Variants in ITGA8 observed in about 807,000 individuals in gnomAD.
The protein encoded by ITGA8 is integrin alpha-8.
In ITGA8, 91 loss-of-function variants were observed where a neutral mutation model predicts 142.3. The ratio of observed to expected loss-of-function variants is 0.64; its 90% CI spans 0.54 to 0.76. The LOEUF is 0.76. ITGA8 is among the 30% of genes least tolerant of loss of function. The probability of loss-of-function intolerance (pLI) is 0.00; values close to 1 mark genes in which losing one functional copy is unlikely to be tolerated. For synonymous variants in ITGA8, 505 were observed against 485.2 expected (o/e 1.04, Z -0.54); for missense variants, 1,406 against 1,327.7 (o/e 1.06, Z -0.92).
intron 2 of ITGA8, among the ~76,000 whole-genome samples, chr10:15,716,670 A>ATTTTTTTTTT (rs796458374): frequency 2.2e-5 from 3 of 135,082 alleles, no homozygotes; most frequent in African/African-American, 5.6e-5. Flanking sequence ...AACCTATTGT[A>ATTTTTTTTTT]TTTTTTTTTT....
intron 10 of ITGA8, 105 bp from the exon 11 acceptor site, chr10:15,655,511 C>T (rs1588701823): frequency 1.2e-6 from 1 of 801,098 alleles, no homozygotes; most frequent in Non-Finnish European, 2.1e-6. Context: ...TACATTTTTG[C>T]ATTGAAATTC....
chr10:15,658,935 T>C (rs551705742), intron 10 of ITGA8, 64 bp downstream of exon 10: 4 of 1,052,112 alleles, frequency 3.8e-6, no homozygotes, highest in Non-Finnish European at 4.3e-6. Context: ...ATAACTGATA[T>C]GAATATTATA....
At position 15,681,096 on chromosome 10, in the gene ITGA8, A is replaced by G. The variant is rs78713041; in HGVS notation, c.569-2313T>C. Among the ~76,000 whole-genome samples the G allele has an allele frequency of 2.0e-5, 3 of 152,226 alleles. No homozygotes were observed. The South Asian group carries it at 6.2e-4, about 32-fold the overall frequency. ...CACCTGAATTATGAATGACCATGAG[A>G]GCCATAGGCAGGTCATCAATATGAA... On this transcript the variant is annotated intron_variant, in intron 4 of 29. Transcript: ENST00000378076.
intron 15 of ITGA8, among the ~76,000 whole-genome samples, chr10:15,608,802 T>TA (rs980047205): frequency 6.6e-6 from 1 of 152,060 alleles, no homozygotes; most frequent in Non-Finnish European, 1.5e-5. Flanking sequence ...AAAGTCATGC[T>TA]AAAAAATGCA....
chr10:15,666,011 G>T (rs1406443347), intron 8 of ITGA8, among the ~76,000 whole-genome samples: 2 of 152,170 alleles, frequency 1.3e-5, no homozygotes, highest in Admixed American at 1.3e-4. Flanking sequence ...CTCTTTTTTG[G>T]TTCCATACGA....
At chr10:15,570,565 G>A (rs911296031) in intron 25 of ITGA8, among the ~76,000 whole-genome samples, 2 of 147,032 alleles carry the variant, frequency 1.4e-5, no homozygotes, top group Admixed American at 1.4e-4. Context: ...AGCCGAGATG[G>A]CGCCATTGCA....
intron 6 of ITGA8, among the ~76,000 whole-genome samples, chr10:15,673,743 G>A (rs997118039): frequency 6.6e-6 from 1 of 152,180 alleles, no homozygotes; most frequent in Non-Finnish European, 1.5e-5. Context: ...ATGGGAAGCA[G>A]CTAGGTCCAA....
intron 10 of ITGA8, among the ~76,000 whole-genome samples, chr10:15,657,855 G>A (rs559951219): frequency 1.3e-5 from 2 of 152,074 alleles, no homozygotes; most frequent in Non-Finnish European, 2.9e-5. Flanking sequence ...CAAACACAAG[G>A]AATTCATTTA....
rs576341137 is a variant in ITGA8 at position 15,610,168 on chromosome 10, G to A, written c.1554-1878C>T. Among the ~76,000 whole-genome samples the A allele has an allele frequency of 7.2e-5, 11 of 152,146 alleles. No individual in the cohort carries two copies. The East Asian group carries it at 2.1e-3, about 29-fold the overall frequency. ...ATAGCACTCCAACCTAAACCTGCCAGTTAATAGATTACTTTAGTGGAAAAG... is the reference window on the plus strand; with the variant it reads ...ATAGCACTCCAACCTAAACCTGCCAATTAATAGATTACTTTAGTGGAAAAG... On this transcript the variant is annotated intron_variant, in intron 15 of 29. Coordinates refer to ENST00000378076, the MANE Select transcript of ITGA8 (RefSeq NM_003638.3).
intron 12 of ITGA8, among the ~76,000 whole-genome samples, chr10:15,644,433 A>AACATATATAT (rs1222711473): frequency 2.1e-4 from 9 of 42,456 alleles, no homozygotes; most frequent in East Asian, 7.3e-4. Context: ...ATGTCAGGCT[A>AACATATATAT]ATATATATAT....
At chr10:15,636,205 G>A (rs1282771617) in intron 13 of ITGA8, among the ~76,000 whole-genome samples, 1 of 152,108 alleles carries the variant, frequency 6.6e-6, no homozygotes, top group Non-Finnish European at 1.5e-5. Flanking sequence ...ATACAATCAC[G>A]TTTAATGGGA....
chr10:15,574,688 C>T (rs940850066), intron 24 of ITGA8, among the ~76,000 whole-genome samples: 3 of 148,672 alleles, frequency 2.0e-5, no homozygotes, highest in East Asian at 3.9e-4. Flanking sequence ...CACACCCGGG[C>T]GCTTTTATAT....
Position 15,517,020 on chromosome 10 carries a change from G to GGTTGTC in ITGA8, c.*137_*138insGACAAC. On this transcript the variant is annotated 3_prime_UTR_variant, in exon 30 of 30. Transcript: ENST00000378076. ...TTTCTCCAAAGTGCGGTGTAGATGAGGTGATGTTTCCAGGGTCCCCTCCAT... is the reference window on the plus strand; with the variant it reads ...TTTCTCCAAAGTGCGGTGTAGATGAGGTTGTCGTGATGTTTCCAGGGTCCCCTCCAT... 2.2e-6 allele frequency: 1 copy of GGTTGTC among 453,214 alleles called. No individual in the cohort carries two copies. Among genetic ancestry groups the GGTTGTC allele is most frequent in the Non-Finnish European group, 3.8e-6 (1 of 265,346 alleles). 28.1% of individuals were successfully genotyped at this position (453,214 alleles called of 1,614,324 possible).
intron 13 of ITGA8, among the ~76,000 whole-genome samples, chr10:15,628,325 T>G (rs77322727): frequency 4.9e-3 from 14 of 2,866 alleles, no homozygotes; most frequent in Non-Finnish European, 0.015. Context: ...TTTATTTTGG[T>G]TTTTTTTTTT....
chr10:15,694,203 CAT>C (rs1254292540), intron 2 of ITGA8, among the ~76,000 whole-genome samples: 24 of 137,604 alleles, frequency 1.7e-4, no homozygotes, highest in Non-Finnish European at 9.2e-5. Flanking sequence ...GATAATATAT[CAT>C]ATATATGATA....
In ITGA8 at chr10:15,575,471, A is replaced by C; in HGVS notation, c.2478+18T>G. The C allele has an allele frequency of 3.9e-6, 6 of 1,557,938 alleles. No homozygotes were observed. The highest frequency in any genetic ancestry group is 5.3e-6 in the Non-Finnish European group (6 of 1,128,836). The stretch of plus-strand genomic sequence containing the variant: ...AAGAATAAACCCCTAACACAACTTT[A>C]ACACAGACAATGGCTACCTCATAAA... On this transcript the variant is annotated intron_variant, in intron 24 of 29. Transcript: ENST00000378076.
chr10:15,514,137 C>T lies in ITGA8; in HGVS notation c.*3021G>A, dbSNP rs1277709994. The T allele has an allele frequency of 6.6e-6, 1 of 151,998 alleles. No homozygotes were observed. Among genetic ancestry groups the T allele is most frequent in the African/African-American group, 2.4e-5 (1 of 41,348 alleles). The allele number at this position is 151,998 out of a possible 1,614,324, so 9.4% of individuals were successfully genotyped here. On this transcript the variant is annotated 3_prime_UTR_variant, in exon 30 of 30. Transcript: ENST00000378076. ...CTCCAAGTTTATAAAACTTAATTTG[C>T]CCCATTATTGTGTCTTAAAACCCAG...
chr10:15,643,808 C>T (rs1304251423), intron 13 of ITGA8, among the ~76,000 whole-genome samples: 1 of 152,162 alleles, frequency 6.6e-6, no homozygotes, highest in East Asian at 1.9e-4. Context: ...AGCCATTCTG[C>T]CTTTCTATCA....
chr10:15,610,550 A>T (rs1248935453), intron 15 of ITGA8, among the ~76,000 whole-genome samples: 1 of 152,222 alleles, frequency 6.6e-6, no homozygotes, highest in Non-Finnish European at 1.5e-5. Flanking sequence ...CATAAATTCT[A>T]AATTAAACTG....
Sources: gnomAD v4.1 joint callset for allele counts (sites outside exome capture counted in the v4.1 genomes callset) on GRCh38, gnomAD v4.1.1 for gene constraint, MANE v1.5 for transcripts, NCBI Gene and HGNC (gene_info 2026-07-23, HGNC 2026-07-21) for gene names.